The following DLGAP1 variants were observed in gnomAD, a reference collection of about 807,000 sequenced individuals.
The protein encoded by DLGAP1 is DLG associated protein 1.
In DLGAP1, 11 loss-of-function variants were observed where a neutral mutation model predicts 90.8. That is an observed-to-expected ratio of 0.12 (90% CI 0.08 to 0.20). The LOEUF (loss-of-function observed/expected upper bound fraction) is 0.20. Ranked by LOEUF, DLGAP1 falls within the 10% of genes least tolerant of loss-of-function variation. The pLI, the probability that DLGAP1 is intolerant of heterozygous loss-of-function variation, is 1.00. For missense variants in DLGAP1, 1,050 were observed against 1,333.8 expected (o/e 0.79, Z 3.31); for synonymous variants, 558 against 540.7 (o/e 1.03, Z -0.44).
intron 6 of DLGAP1, among the ~76,000 whole-genome samples, chr18:3,738,204 G>A (rs1442350814): frequency 6.7e-6 from 1 of 149,086 alleles, no homozygotes; most frequent in Non-Finnish European, 1.5e-5. Flanking sequence ...ACTGCCCAAG[G>A]TAATTTACAG....
chr18:3,874,233 C>T (rs2070925507), intron 4 of DLGAP1: 14 of 1,549,952 alleles, frequency 9.0e-6, no homozygotes, highest in Non-Finnish European at 1.1e-5. Flanking sequence ...GATCATTTTG[C>T]TTTCCTAAAA....
At chr18:3,611,093 C>T (rs1308170485) in intron 7 of DLGAP1, among the ~76,000 whole-genome samples, 1 of 151,524 alleles carries the variant, frequency 6.6e-6, no homozygotes, top group Non-Finnish European at 1.5e-5. Context: ...GATCGCACCA[C>T]TGCACTCTAC....
chr18:3,627,612 T>A (rs575021891), intron 7 of DLGAP1, among the ~76,000 whole-genome samples: 1 of 152,018 alleles, frequency 6.6e-6, no homozygotes, highest in Non-Finnish European at 1.5e-5. Context: ...AAACATACAG[T>A]AGTTTGTCTT....
Position 4,383,036 on chromosome 18 carries a change from C to T in DLGAP1, c.-267+71970G>A, listed in dbSNP as rs1484115988. Among the ~76,000 whole-genome samples, 1 of 152,066 alleles carries T rather than the reference C, an allele frequency of 6.6e-6. No homozygotes were observed. Among genetic ancestry groups the T allele is most frequent in the Non-Finnish European group, 1.5e-5 (1 of 68,000 alleles). On this transcript the variant is annotated intron_variant, in intron 1 of 12. Coordinates refer to ENST00000315677, the MANE Select transcript of DLGAP1 (RefSeq NM_004746.4). The surrounding 1 kb of genome is among the most constrained non-coding windows in gnomAD (Gnocchi z 4.0). ...ACAGAGGATAACCAGCCATGTCTTT[C>T]CATTACATTATCTTGCCTAATAGAG...
In DLGAP1 at chr18:4,387,106, T is replaced by C. The variant is rs111902585; in HGVS notation, c.-267+67900A>G. Among the ~76,000 whole-genome samples, 583 of 152,222 alleles carry C rather than the reference T, an allele frequency of 3.8e-3. 3 individuals are homozygous for C. The highest frequency in any genetic ancestry group is 0.013 in the African/African-American group (560 of 41,552). On this transcript the variant is annotated intron_variant, in intron 1 of 12. Coordinates refer to ENST00000315677, the MANE Select transcript of DLGAP1 (RefSeq NM_004746.4). ...TGTGTTCTAAATACCTAAACCCTCA[T>C]TGGAATTGTAATAAAAACCATGGGA...
intron 1 of DLGAP1, among the ~76,000 whole-genome samples, chr18:4,302,720 T>C (rs1016614723): frequency 6.6e-6 from 1 of 152,162 alleles, no homozygotes; most frequent in South Asian, 2.1e-4. Flanking sequence ...TGGTTCCATA[T>C]GAGTTTTAGA....
At chr18:4,003,437 GTTTTTTTTTT>G (rs11457362) in intron 3 of DLGAP1, among the ~76,000 whole-genome samples, 2 of 130,386 alleles carry the variant, frequency 1.5e-5, no homozygotes, top group Admixed American at 7.8e-5. Flanking sequence ...TAATATCATT[GTTTTTTTTTT>G]TTTTTTTGGA....
chr18:4,230,934 A>G (rs993349793), intron 1 of DLGAP1, among the ~76,000 whole-genome samples: 1 of 151,938 alleles, frequency 6.6e-6, no homozygotes, highest in African/African-American at 2.4e-5. Flanking sequence ...AAATAATTTG[A>G]AATAAAACAA....
At chr18:3,589,032 A>T (rs968883034) in intron 7 of DLGAP1, among the ~76,000 whole-genome samples, 1 of 151,684 alleles carries the variant, frequency 6.6e-6, no homozygotes, top group Non-Finnish European at 1.5e-5. Context: ...AAATATATAA[A>T]AAAAAATTAA....
chr18:3,594,207 T>G (rs1317178416), intron 7 of DLGAP1: 1 of 152,194 alleles, frequency 6.6e-6, no homozygotes, highest in Non-Finnish European at 1.5e-5. Context: ...CTCGCCCACA[T>G]TTTCCCCAAG....
rs145466683 is a variant in DLGAP1, at chr18:4,253,319, A to G, written c.-266-102032T>C. The stretch of plus-strand genomic sequence containing the variant: ...AGTGGGGTTATGATTTACCCAAAAG[A>G]TAAGTTTCAGTGAGAAAAGGAAAAT... On this transcript the variant is annotated intron_variant, in intron 1 of 12. Transcript: ENST00000315677. Among the ~76,000 whole-genome samples, 25 of 152,328 alleles carry G rather than the reference A, an allele frequency of 1.6e-4. No individual in the cohort carries two copies. The East Asian group carries it at 4.6e-3, about 28-fold the overall frequency.
intron 3 of DLGAP1, among the ~76,000 whole-genome samples, chr18:3,884,225 T>C (rs996520845): frequency 6.6e-6 from 1 of 152,206 alleles, no homozygotes; most frequent in Admixed American, 6.5e-5. Flanking sequence ...CAAAAATCCA[T>C]TGCATAAGAA....
chr18:4,129,635 G>A (rs1176271930), intron 2 of DLGAP1, among the ~76,000 whole-genome samples: 1 of 152,114 alleles, frequency 6.6e-6, no homozygotes, highest in Admixed American at 6.5e-5. Context: ...AAGGATAAAT[G>A]TGAAGTTGTG....
chr18:4,148,663 C>T (rs375887668), intron 2 of DLGAP1, among the ~76,000 whole-genome samples: 2 of 152,310 alleles, frequency 1.3e-5, no homozygotes, highest in African/African-American at 2.4e-5. Context: ...GCATCTGCTA[C>T]GACTTTCCTG....
intron 2 of DLGAP1, among the ~76,000 whole-genome samples, chr18:4,078,612 G>A (rs376776689): frequency 3.3e-5 from 5 of 152,152 alleles, no homozygotes; most frequent in African/African-American, 4.8e-5. Context: ...GAACAAAGAG[G>A]TTCCATAAAC....
At chr18:3,623,562 C>A (rs899406215) in intron 7 of DLGAP1, among the ~76,000 whole-genome samples, 1 of 151,796 alleles carries the variant, frequency 6.6e-6, no homozygotes, top group African/African-American at 2.4e-5. Context: ...CTGAGGCGGG[C>A]GGATCACCTG....
At chr18:4,019,442 A>T (rs1411662711) in intron 2 of DLGAP1, among the ~76,000 whole-genome samples, 1 of 152,168 alleles carries the variant, frequency 6.6e-6, no homozygotes, top group Non-Finnish European at 1.5e-5. Context: ...ACAAGATATA[A>T]TTTTTTATGC....
chr18:3,672,577 C>CAAAA (rs60316690), intron 7 of DLGAP1, among the ~76,000 whole-genome samples: 5 of 39,586 alleles, frequency 1.3e-4, no homozygotes, highest in Non-Finnish European at 1.8e-4. Context: ...AACTCTATCT[C>CAAAA]AAAAAAAAAA....
intron 7 of DLGAP1, among the ~76,000 whole-genome samples, chr18:3,601,532 G>C (rs377711837): frequency 6.6e-6 from 1 of 151,610 alleles, no homozygotes; most frequent in Non-Finnish European, 1.5e-5. Flanking sequence ...GCTACAGTTC[G>C]ACTTCACAGA....
Sources: allele counts gnomAD v4.1 joint callset (sites outside exome capture counted in the v4.1 genomes callset), GRCh38; gene constraint gnomAD v4.1.1; non-coding constraint Gnocchi (gnomAD v3.1); transcripts MANE v1.5; gene names NCBI Gene and HGNC (gene_info 2026-07-23, HGNC 2026-07-21).